The following EPB41L5 variants were observed in gnomAD, a reference collection of about 807,000 sequenced individuals.
The protein encoded by EPB41L5 is erythrocyte membrane protein band 4.1 like 5.
In EPB41L5, 55 loss-of-function variants were observed where a neutral mutation model predicts 106.6. That is an observed-to-expected ratio of 0.52 (90% CI 0.42 to 0.65). The LOEUF is 0.65. EPB41L5 is among the 30% of genes least tolerant of loss of function. The pLI is 0.00. For synonymous variants in EPB41L5, 297 were observed against 306.7 expected, an observed-to-expected ratio of 0.97 and a Z score of 0.33; for missense variants, 871 against 882.1, an observed-to-expected ratio of 0.99 and a Z score of 0.16.
At chr2:120,135,932 A>G (rs1213880639) in intron 18 of EPB41L5, among the ~76,000 whole-genome samples, 1 of 152,120 alleles carries the variant, frequency 6.6e-6, no homozygotes, top group African/African-American at 2.4e-5. Flanking sequence ...ATGTACACTA[A>G]CAAATACGGC....
Position 120,074,103 on chromosome 2 carries a change from G to C in EPB41L5, c.332G>C (p.Gly111Ala). Residue 111 changes from glycine (G) to alanine (A), a missense_variant, in exon 5 of 25, where the codon GGT (glycine) becomes GCT (alanine). Physicochemically the swap from Gly to Ala is moderately conservative, Grantham distance 60. Transcript: ENST00000263713. ...TKSIKKQVKI[G>A]SPYCLHLRVK... ...CTTTTTTTTTTTTAAATGACAGTTGGTTCACCCTATTGTCTGCATCTTCGA... is the reference window on the plus strand; with the variant it reads ...CTTTTTTTTTTTTAAATGACAGTTGCTTCACCCTATTGTCTGCATCTTCGA... 1 of 1,600,362 alleles carries C rather than the reference G, an allele frequency of 6.2e-7. No homozygotes were observed. The highest frequency in any genetic ancestry group is 8.5e-7 in the Non-Finnish European group (1 of 1,173,594).
At chr2:120,023,714 T>G (rs1382208073) in intron 2 of EPB41L5, among the ~76,000 whole-genome samples, 1 of 152,252 alleles carries the variant, frequency 6.6e-6, no homozygotes, top group African/African-American at 2.4e-5. Flanking sequence ...TCTAATTCTG[T>G]GAAGAAAGTC....
chr2:120,070,689 A>C (rs1007768520), intron 3 of EPB41L5, among the ~76,000 whole-genome samples: 12 of 152,236 alleles, frequency 7.9e-5, no homozygotes, highest in Admixed American at 1.3e-4. Context: ...CAACATACGC[A>C]AATCAATAAA....
Position 120,166,879 on chromosome 2 carries a change from T to C in EPB41L5, c.1963-587T>C, listed in dbSNP as rs118108749. ...GGTGGGTTTCCTTAGTTTATAATTCTACACATAGATGACCTATAATAGAAA... is the reference window on the plus strand; with the variant it reads ...GGTGGGTTTCCTTAGTTTATAATTCCACACATAGATGACCTATAATAGAAA... On this transcript the variant is annotated intron_variant, in intron 22 of 24. Transcript: ENST00000263713. 7.5e-4 allele frequency among the ~76,000 whole-genome samples: 115 copies of C among 152,372 alleles called. No homozygotes were observed. In the East Asian group the frequency reaches 0.019, roughly 25 times the overall value.
chr2:120,038,454 G>C (rs1402161665), intron 2 of EPB41L5, among the ~76,000 whole-genome samples: 1 of 152,178 alleles, frequency 6.6e-6, no homozygotes, highest in Non-Finnish European at 1.5e-5. Flanking sequence ...TGCTGCTGTA[G>C]AAAACAGTTT....
chr2:120,054,720 T>C (rs547755494), intron 3 of EPB41L5, among the ~76,000 whole-genome samples: 84 of 152,246 alleles, frequency 5.5e-4, no homozygotes, highest in Non-Finnish European at 8.8e-4. Context: ...AGCATGTGAA[T>C]ATCCAGTGAT....
chr2:120,105,233 C>T (rs1473218515), intron 16 of EPB41L5: 2 of 983,250 alleles, frequency 2.0e-6, no homozygotes, highest in East Asian at 2.3e-4. Context: ...GATAGGAAAA[C>T]ATGTTAAGGG....
intron 20 of EPB41L5, chr2:120,160,645 G>A (rs1687100350): frequency 2.2e-6 from 1 of 449,276 alleles, no homozygotes; most frequent in South Asian, 3.3e-5. Context: ...CCCTTTCTAT[G>A]GGTCCTCACC....
Position 120,131,727 on chromosome 2 carries a change from T to C in EPB41L5, c.1599+12T>C. 4 of 1,586,102 alleles carry C rather than the reference T, an allele frequency of 2.5e-6. No individual in the cohort carries two copies. Among genetic ancestry groups the C allele is most frequent in the Non-Finnish European group, 2.6e-6 (3 of 1,154,504 alleles). ...ACATAAACAGCCAGGTATTCAGATT[T>C]CCCCTGTGTATACCTGTTACACATC... is the stretch of plus-strand genomic sequence containing the variant. On this transcript the variant is annotated intron_variant, in intron 18 of 24. Transcript: ENST00000263713.
At chr2:120,121,168 G>C (rs1168627808) in intron 16 of EPB41L5, among the ~76,000 whole-genome samples, 1 of 152,164 alleles carries the variant, frequency 6.6e-6, no homozygotes, top group African/African-American at 2.4e-5. Context: ...CTCTACTATG[G>C]TCTGAAAGTT....
intron 16 of EPB41L5, chr2:120,105,850 A>G: frequency 1.0e-6 from 1 of 985,340 alleles, no homozygotes. Flanking sequence ...GGATTATAAC[A>G]TTTTAAGCAC....
intron 2 of EPB41L5, among the ~76,000 whole-genome samples, chr2:120,020,257 C>T (rs956513834): frequency 3.3e-5 from 5 of 152,126 alleles, no homozygotes; most frequent in African/African-American, 7.2e-5. Flanking sequence ...TGATAGCCTA[C>T]GTGCTGCTGT....
intron 10 of EPB41L5, among the ~76,000 whole-genome samples, chr2:120,079,903 C>G (rs1682522297): frequency 6.6e-6 from 1 of 152,060 alleles, no homozygotes; most frequent in Non-Finnish European, 1.5e-5. Context: ...CCTGCGTGGT[C>G]CTCCCATGGT....
intron 16 of EPB41L5, among the ~76,000 whole-genome samples, chr2:120,117,038 A>G (rs1310264620): frequency 6.6e-6 from 1 of 152,214 alleles, no homozygotes; most frequent in Non-Finnish European, 1.5e-5. Context: ...TTAAAAATTT[A>G]TTGTGAAATA....
intron 17 of EPB41L5, among the ~76,000 whole-genome samples, chr2:120,129,568 T>G (rs1368174765): frequency 3.3e-5 from 5 of 152,180 alleles, no homozygotes; most frequent in African/African-American, 1.2e-4. Context: ...TTCACAAAGT[T>G]TAATTTTTTC....
At chr2:120,079,333 T>C (rs1019314821) in intron 10 of EPB41L5, among the ~76,000 whole-genome samples, 1 of 152,222 alleles carries the variant, frequency 6.6e-6, no homozygotes, top group African/African-American at 2.4e-5. Context: ...TAACATCTAC[T>C]GGCCATAGAT....
rs550874265 is a variant in EPB41L5, at chr2:120,119,716, T to A, written c.1338-7972T>A. ...ACGGTGTAACGTATCCAAAGGAGAATTTAAAAACATACATAAATATAGGCG... is the reference window on the plus strand; with the variant it reads ...ACGGTGTAACGTATCCAAAGGAGAAATTAAAAACATACATAAATATAGGCG... On this transcript the variant is annotated intron_variant, in intron 16 of 24. Transcript: ENST00000263713. 2.4e-4 allele frequency among the ~76,000 whole-genome samples: 36 copies of A among 151,064 alleles called. No individual in the cohort carries two copies. In the East Asian group the frequency reaches 6.8e-3, roughly 28 times the overall value.
chr2:120,097,407 C>T (rs1683831395), intron 14 of EPB41L5, among the ~76,000 whole-genome samples: 1 of 152,210 alleles, frequency 6.6e-6, no homozygotes, highest in South Asian at 2.1e-4. Flanking sequence ...AAAGGCACAA[C>T]TATTTGACCT....
intron 2 of EPB41L5, among the ~76,000 whole-genome samples, chr2:120,022,962 G>A (rs1276896516): frequency 6.6e-6 from 1 of 152,086 alleles, no homozygotes; most frequent in Non-Finnish European, 1.5e-5. Context: ...TATGTTTGTT[G>A]ACTGCATAAA....
Sources: allele counts gnomAD v4.1 joint callset (sites outside exome capture counted in the v4.1 genomes callset), GRCh38; gene constraint gnomAD v4.1.1; transcripts MANE v1.5; gene names NCBI Gene and HGNC (gene_info 2026-07-23, HGNC 2026-07-21).